Variants in TIAM1 observed in about 807,000 individuals in gnomAD.
The protein encoded by TIAM1 is rho guanine nucleotide exchange factor TIAM1.
In TIAM1, 65 loss-of-function variants were observed where a neutral mutation model predicts 163.5. The ratio of observed to expected loss-of-function variants is 0.40; its 90% CI spans 0.33 to 0.49. The LOEUF (loss-of-function observed/expected upper bound fraction) is 0.49. Among genes scored for constraint, TIAM1 ranks in the 20% least tolerant of loss-of-function variants. TIAM1 has a pLI of 0.77. For missense variants in TIAM1, 1,789 were observed against 2,044.7 expected, an observed-to-expected ratio of 0.87 and a Z score of 2.41; for synonymous variants, 833 against 810.1, an observed-to-expected ratio of 1.03 and a Z score of -0.48.
chr21:31,509,388 C>T (rs1187988779), intron 1 of TIAM1, among the ~76,000 whole-genome samples: 1 of 152,200 alleles, frequency 6.6e-6, no homozygotes, highest in East Asian at 1.9e-4. Flanking sequence ...TCCTGCAAAG[C>T]CCCCAGGACC....
chr21:31,527,731 A>G (rs1022429731), intron 1 of TIAM1, among the ~76,000 whole-genome samples: 12 of 152,066 alleles, frequency 7.9e-5, no homozygotes, highest in Non-Finnish European at 2.9e-5. Flanking sequence ...TAAAATACAG[A>G]TATGATCTTA....
chr21:31,538,378 A>G (rs2048208034), intron 1 of TIAM1, among the ~76,000 whole-genome samples: 1 of 152,228 alleles, frequency 6.6e-6, no homozygotes, highest in Non-Finnish European at 1.5e-5. Flanking sequence ...CCCTGTCTCT[A>G]TAAAAAATTT....
chr21:31,512,288 G>A (rs546634470), intron 1 of TIAM1, among the ~76,000 whole-genome samples: 1 of 151,532 alleles, frequency 6.6e-6, no homozygotes, highest in African/African-American at 2.4e-5. Context: ...TTGTAGAGGT[G>A]GGGCCTCCCC....
intron 2 of TIAM1, among the ~76,000 whole-genome samples, chr21:31,361,460 T>C (rs951559813): frequency 1.3e-5 from 2 of 152,168 alleles, no homozygotes; most frequent in Non-Finnish European, 2.9e-5. Flanking sequence ...CTGCCAATGT[T>C]GCATTTCTCG....
chr21:31,331,804 A>G lies in TIAM1; in HGVS notation c.-189+7439T>C, dbSNP rs116243123. Among the ~76,000 whole-genome samples, 1,380 of 152,312 alleles carry G rather than the reference A, an allele frequency of 9.1e-3. 17 individuals carry two copies. The highest frequency in any genetic ancestry group is 0.029 in the South Asian group (138 of 4,824). ...AGAGGTCACAGAATGAGGGTCCCAC[A>G]TGCAGGATTTCAGTCTGATTTCAAA... is the stretch of plus-strand genomic sequence containing the variant. On this transcript the variant is annotated intron_variant, in intron 2 of 27. Coordinates refer to ENST00000541036, the MANE Select transcript of TIAM1 (RefSeq NM_001353694.2).
intron 25 of TIAM1, among the ~76,000 whole-genome samples, chr21:31,128,673 T>A: frequency 6.6e-6 from 1 of 152,168 alleles, no homozygotes; most frequent in Non-Finnish European, 1.5e-5. Flanking sequence ...TAAATCAATT[T>A]TGCAAATCAC....
At chr21:31,343,796 C>T (rs562130294) in intron 1 of TIAM1, among the ~76,000 whole-genome samples, 2 of 152,312 alleles carry the variant, frequency 1.3e-5, no homozygotes, top group South Asian at 4.1e-4. Context: ...AGTCTCCTCC[C>T]CGACCCCATA....
chr21:31,526,033 C>CAA (rs10706618), intron 1 of TIAM1, among the ~76,000 whole-genome samples: 15 of 107,694 alleles, frequency 1.4e-4, no homozygotes, highest in Non-Finnish European at 1.7e-4. Context: ...GACTCCATCT[C>CAA]AAAAAAAAAA....
At chr21:31,360,570 T>A (rs1458785873) in intron 2 of TIAM1, among the ~76,000 whole-genome samples, 1 of 152,168 alleles carries the variant, frequency 6.6e-6, no homozygotes, top group Non-Finnish European at 1.5e-5. Context: ...AAAAACTTAG[T>A]TGTTTACTTA....
intron 16 of TIAM1, among the ~76,000 whole-genome samples, chr21:31,163,702 G>A (rs1026006919): frequency 6.6e-6 from 1 of 152,136 alleles, no homozygotes; most frequent in African/African-American, 2.4e-5. Context: ...GTTCATGTTT[G>A]AAAAGCATTT....
At chr21:31,407,520 C>G (rs1016874374) in intron 2 of TIAM1, among the ~76,000 whole-genome samples, 6 of 152,144 alleles carry the variant, frequency 3.9e-5, no homozygotes, top group Admixed American at 6.5e-5. Flanking sequence ...CACTGGATAC[C>G]CTGGTTAAAA....
chr21:31,141,172 C>T lies in TIAM1; in HGVS notation c.3720G>A (p.Glu1240=), dbSNP rs778483875. The change falls in exon 22 of 28, where the codon GAG becomes GAA. Residue 1240 remains glutamate, a synonymous_variant. Transcript: ENST00000541036. The surrounding 1 kb of genome is among the most constrained non-coding windows in gnomAD (Gnocchi z 4.7). ...TCAGCTGGTCAAACACAGCCCCAAACTCTTCATGGATTTTCTGCATCTCAT... is the reference window on the plus strand; with the variant it reads ...TCAGCTGGTCAAACACAGCCCCAAATTCTTCATGGATTTTCTGCATCTCAT... ...HINEMQKIHE[E]FGAVFDQLIA... is the part of the protein sequence containing the mutation. 2.5e-6 allele frequency: 4 copies of T among 1,614,196 alleles called. No homozygotes were observed. Among genetic ancestry groups the T allele is most frequent in the Non-Finnish European group, 2.5e-6 (3 of 1,180,024 alleles).
At chr21:31,391,118 T>G (rs1157705661) in intron 2 of TIAM1, among the ~76,000 whole-genome samples, 1 of 151,506 alleles carries the variant, frequency 6.6e-6, no homozygotes, top group Non-Finnish European at 1.5e-5. Flanking sequence ...TGTGCACTCA[T>G]AGGCCCGAGG....
chr21:31,181,460 A>G (rs1445193972), intron 15 of TIAM1, among the ~76,000 whole-genome samples: 1 of 144,316 alleles, frequency 6.9e-6, no homozygotes, highest in East Asian at 2.3e-4. Flanking sequence ...CGCTGCTTCT[A>G]GTAGAATGAG....
chr21:31,194,069 C>G (rs938379874), intron 13 of TIAM1, among the ~76,000 whole-genome samples: 1 of 152,128 alleles, frequency 6.6e-6, no homozygotes, highest in Non-Finnish European at 1.5e-5. Context: ...CATTCCGCCG[C>G]TGGCCGGAAG....
intron 1 of TIAM1, among the ~76,000 whole-genome samples, chr21:31,513,499 G>A (rs2047280636): frequency 6.6e-6 from 1 of 152,196 alleles, no homozygotes; most frequent in Non-Finnish European, 1.5e-5. Flanking sequence ...CTGCCATTCA[G>A]GAGGGTGACC....
rs376864743 is a variant in TIAM1, at chr21:31,409,299, G to A, written c.-369+54684C>T. 2.6e-4 allele frequency among the ~76,000 whole-genome samples: 40 copies of A among 151,912 alleles called. No homozygotes were observed. In the East Asian group the frequency reaches 4.7e-3, roughly 18 times the overall value. The stretch of plus-strand genomic sequence containing the variant: ...TAATTTTTGTATTTTTAGTAGAGAC[G>A]GGGTTTCACTATGTTGGCCAGGCTG... On this transcript the variant is annotated intron_variant, in intron 2 of 28. Transcript: ENST00000286827.
At chr21:31,205,502 C>A (rs556227680) in intron 11 of TIAM1, among the ~76,000 whole-genome samples, 28 of 152,330 alleles carry the variant, frequency 1.8e-4, no homozygotes, top group African/African-American at 6.5e-4. Context: ...CTGTCAGGCA[C>A]AAATAGCCTA....
chr21:31,331,045 C>G (rs1210018888), intron 2 of TIAM1, among the ~76,000 whole-genome samples: 1 of 152,092 alleles, frequency 6.6e-6, no homozygotes, highest in Non-Finnish European at 1.5e-5. Context: ...GCTATGTTTT[C>G]CCAACTGGTA....
Sources: gnomAD v4.1 joint callset for allele counts (sites outside exome capture counted in the v4.1 genomes callset) on GRCh38, gnomAD v4.1.1 for gene constraint, Gnocchi (gnomAD v3.1) non-coding constraint, MANE v1.5 for transcripts, NCBI Gene and HGNC (gene_info 2026-07-23, HGNC 2026-07-21) for gene names.